Variants in SHC4 observed in about 807,000 individuals in gnomAD.
The protein encoded by SHC4 is SHC-transforming protein 4.
SHC4 carries 41 observed loss-of-function variants against 69.4 expected under a neutral mutation model. That is an observed-to-expected ratio of 0.59 (90% CI 0.46 to 0.77). The LOEUF (loss-of-function observed/expected upper bound fraction) is 0.77. SHC4 is among the 30% of genes least tolerant of loss of function. SHC4 has a pLI of 0.00. For missense variants in SHC4, 777 were observed against 783.8 expected (o/e 0.99, Z 0.10); for synonymous variants, 318 against 299.3 (o/e 1.06, Z -0.64).
At position 48,857,860 on chromosome 15, in the gene SHC4, A is replaced by T; in HGVS notation, c.947-45T>A. 3 of 1,428,170 alleles carry T rather than the reference A, an allele frequency of 2.1e-6. 1 individual carries two copies. In the South Asian group the frequency reaches 5.0e-5, roughly 24 times the overall value. The allele number at this position is 1,428,170 out of a possible 1,614,324, so 88.5% of individuals were successfully genotyped here. ...AAATAATATTATAATAAATTTTTAG[A>T]AAGAGAAGATTACATAAAATCAGAG... On this transcript the variant is annotated intron_variant, in intron 6 of 11. Coordinates refer to ENST00000332408, the MANE Select transcript of SHC4 (RefSeq NM_203349.4).
At chr15:48,858,222 A>G (rs1447067160) in intron 6 of SHC4, among the ~76,000 whole-genome samples, 1 of 152,214 alleles carries the variant, frequency 6.6e-6, no homozygotes, top group African/African-American at 2.4e-5. Context: ...ACGGTATGTT[A>G]TGGAAGATTG....
intron 4 of SHC4, among the ~76,000 whole-genome samples, chr15:48,880,384 G>A (rs1007371175): frequency 8.5e-5 from 13 of 152,334 alleles, no homozygotes; most frequent in Non-Finnish European, 1.3e-4. Flanking sequence ...GCTACGGTCA[G>A]ATGAGTGTGG....
chr15:48,914,996 CGTATGATT>C (rs1285932799), intron 2 of SHC4, among the ~76,000 whole-genome samples: 1 of 152,172 alleles, frequency 6.6e-6, no homozygotes, highest in Admixed American at 6.5e-5. Context: ...AGGAATTATG[CGTATGATT>C]GTATATCTTC....
chr15:48,953,357 A>C (rs928856180), intron 1 of SHC4, among the ~76,000 whole-genome samples: 4 of 152,176 alleles, frequency 2.6e-5, no homozygotes, highest in African/African-American at 9.7e-5. Context: ...TCTGTACAAC[A>C]ACCCCCCATG....
chr15:48,930,620 G>C (rs1306906942), intron 1 of SHC4, among the ~76,000 whole-genome samples: 1 of 152,204 alleles, frequency 6.6e-6, no homozygotes, highest in East Asian at 1.9e-4. Context: ...CTGGGGGACA[G>C]AGCGAGACCC....
chr15:48,936,091 G>A (rs756659266), intron 1 of SHC4, among the ~76,000 whole-genome samples: 53 of 152,154 alleles, frequency 3.5e-4, no homozygotes, highest in African/African-American at 1.2e-3. Context: ...AGGGAGTGTT[G>A]TATCCCCAAC....
At chr15:48,961,261 AG>A (rs908182511) in intron 1 of SHC4, among the ~76,000 whole-genome samples, 18 of 152,338 alleles carry the variant, frequency 1.2e-4, no homozygotes, top group African/African-American at 2.9e-4. Context: ...CTACAAACCT[AG>A]GAGGATTCTC....
intron 1 of SHC4, chr15:48,947,430 T>C (rs1208937760): frequency 2.0e-5 from 3 of 152,198 alleles, no homozygotes; most frequent in Non-Finnish European, 1.5e-5. Context: ...ACAATTATAT[T>C]TGTGTGTATA....
intron 4 of SHC4, chr15:48,878,166 C>T (rs1318024514): frequency 2.6e-6 from 4 of 1,530,678 alleles, no homozygotes; most frequent in Non-Finnish European, 2.6e-6. Context: ...AGAGGTTGAG[C>T]GGTTTGCACA....
chr15:48,952,117 G>A (rs1271994152), intron 1 of SHC4, among the ~76,000 whole-genome samples: 2 of 152,128 alleles, frequency 1.3e-5, no homozygotes, highest in African/African-American at 4.8e-5. Context: ...GAGGGATGTG[G>A]GAGGCACAAT....
intron 2 of SHC4, among the ~76,000 whole-genome samples, chr15:48,911,129 G>C (rs1900501587): frequency 6.6e-6 from 1 of 152,182 alleles, no homozygotes; most frequent in South Asian, 2.1e-4. Flanking sequence ...TTGACGCTCT[G>C]TCTTGATGAC....
At chr15:48,939,748 C>A (rs1485817270) in intron 1 of SHC4, among the ~76,000 whole-genome samples, 1 of 152,140 alleles carries the variant, frequency 6.6e-6, no homozygotes, top group Non-Finnish European at 1.5e-5. Flanking sequence ...CTTCTCAGAC[C>A]CAAATAAATA....
chr15:48,926,790 G>A (rs1202598895), intron 1 of SHC4, among the ~76,000 whole-genome samples: 1 of 152,114 alleles, frequency 6.6e-6, no homozygotes, highest in Non-Finnish European at 1.5e-5. Context: ...AGCAGATTGT[G>A]CAGGTAGAAC....
intron 2 of SHC4, among the ~76,000 whole-genome samples, chr15:48,904,176 T>C (rs766504549): frequency 2.0e-5 from 3 of 152,184 alleles, no homozygotes; most frequent in Non-Finnish European, 2.9e-5. Context: ...ATTTGTTCCT[T>C]AAAATTATTC....
chr15:48,916,271 GCTCACACACACA>G (rs1222217077), intron 2 of SHC4, among the ~76,000 whole-genome samples: 66 of 108,498 alleles, frequency 6.1e-4, no homozygotes, highest in Non-Finnish European at 9.5e-4. Context: ...GCTGATGGTT[GCTCACACACACA>G]CACACACACA....
intron 2 of SHC4, among the ~76,000 whole-genome samples, chr15:48,900,130 G>A (rs574667233): frequency 6.6e-6 from 1 of 152,152 alleles, no homozygotes; most frequent in South Asian, 2.1e-4. Flanking sequence ...TGTTTTCAAT[G>A]TAGTCACTCT....
intron 2 of SHC4, among the ~76,000 whole-genome samples, chr15:48,907,249 G>C (rs1191291030): frequency 1.3e-5 from 2 of 148,688 alleles, no homozygotes; most frequent in Non-Finnish European, 3.0e-5. Context: ...TTTCGAGACA[G>C]AGTTGTGCTC....
At chr15:48,947,759 A>AG (rs934689540) in intron 1 of SHC4, 1 of 152,168 alleles carries the variant, frequency 6.6e-6, no homozygotes, top group Non-Finnish European at 1.5e-5. Context: ...GACGAACAAA[A>AG]GCTATTGAAA....
At chr15:48,923,017 C>T (rs1900778736) in intron 2 of SHC4, among the ~76,000 whole-genome samples, 1 of 152,134 alleles carries the variant, frequency 6.6e-6, no homozygotes, top group African/African-American at 2.4e-5. Flanking sequence ...ATCCAGTGAG[C>T]CTCTGCCATG....
Sources: gnomAD v4.1 joint callset for allele counts (sites outside exome capture counted in the v4.1 genomes callset) on GRCh38, gnomAD v4.1.1 for gene constraint, MANE v1.5 for transcripts, NCBI Gene and HGNC (gene_info 2026-07-23, HGNC 2026-07-21) for gene names.